C8A: variants seen among roughly 807,000 people sequenced by gnomAD.
C8A encodes complement component C8 alpha chain.
In C8A, 67 loss-of-function variants were observed where a neutral mutation model predicts 65.3. The ratio of observed to expected loss-of-function variants is 1.03; its 90% CI spans 0.84 to 1.26. The LOEUF is 1.26. C8A is among the 50% of genes most tolerant of loss of function. The pLI is 0.00. For missense variants in C8A, 781 were observed against 723.9 expected (o/e 1.08, Z -0.90); for synonymous variants, 290 against 259.4 (o/e 1.12, Z -1.13).
intron 4 of C8A, among the ~76,000 whole-genome samples, chr1:56,877,641 C>A (rs1288410372): frequency 6.6e-6 from 1 of 152,130 alleles, no homozygotes; most frequent in South Asian, 2.1e-4. Context: ...ATCTCCTCAG[C>A]CCCTGTGTCA....
intron 1 of C8A, among the ~76,000 whole-genome samples, chr1:56,864,457 A>C (rs1008277511): frequency 3.9e-5 from 6 of 152,154 alleles, no homozygotes; most frequent in African/African-American, 1.4e-4. Context: ...GTTCAAGAAA[A>C]AGTGCAGTGG....
chr1:56,889,972 G>A (rs563024351), intron 7 of C8A, among the ~76,000 whole-genome samples: 20 of 152,086 alleles, frequency 1.3e-4, no homozygotes, highest in African/African-American at 4.8e-4. Flanking sequence ...TACGGTTTGG[G>A]GCTTAAATTT....
intron 1 of C8A, among the ~76,000 whole-genome samples, chr1:56,865,454 G>T (rs374544356): frequency 6.4e-4 from 97 of 152,254 alleles, no homozygotes; most frequent in African/African-American, 2.1e-3. Context: ...TTTAATGAGG[G>T]CACTAATTCC....
At chr1:56,859,274 T>G (rs1220895364) in intron 1 of C8A, among the ~76,000 whole-genome samples, 1 of 152,254 alleles carries the variant, frequency 6.6e-6, no homozygotes, top group Non-Finnish European at 1.5e-5. Context: ...ATGAAATAAC[T>G]TAAGATTATA....
At chr1:56,901,526 G>T (rs148833612) in intron 7 of C8A, among the ~76,000 whole-genome samples, 1 of 152,032 alleles carries the variant, frequency 6.6e-6, no homozygotes, top group Non-Finnish European at 1.5e-5. Context: ...TATCCTTTGG[G>T]CTCCTAGCCT....
chr1:56,906,327 T>C lies in C8A; in HGVS notation c.1097-340T>C, dbSNP rs1411010. Among the ~76,000 whole-genome samples, 681 of 152,220 alleles carry C rather than the reference T, an allele frequency of 4.5e-3. 9 individuals carry two copies. Among genetic ancestry groups the C allele is most frequent in the African/African-American group, 0.016 (649 of 41,524 alleles). Reference sequence around the variant, plus strand: ...TGCAAAAGTTCAGGGTAATGGTGCCTATCATGGCCCGGGCACTGAGGTAGG... The same window carrying C: ...TGCAAAAGTTCAGGGTAATGGTGCCCATCATGGCCCGGGCACTGAGGTAGG... On this transcript the variant is annotated intron_variant, in intron 7 of 10. Transcript: ENST00000361249.
chr1:56,887,899 C>G (rs926116905), intron 7 of C8A, among the ~76,000 whole-genome samples: 3 of 152,088 alleles, frequency 2.0e-5, no homozygotes, highest in Non-Finnish European at 4.4e-5. Context: ...AACCAAACAC[C>G]ACAGGTTCTC....
intron 7 of C8A, among the ~76,000 whole-genome samples, chr1:56,896,157 G>T (rs1225589710): frequency 6.6e-6 from 1 of 152,008 alleles, no homozygotes; most frequent in Non-Finnish European, 1.5e-5. Flanking sequence ...GTATTAGTCA[G>T]GTTCTCCAGA....
chr1:56,854,835 A>C lies in C8A; in HGVS notation c.-67A>C, dbSNP rs1468172059. The C allele has an allele frequency of 2.9e-6, 4 of 1,373,470 alleles. No individual in the cohort carries two copies. Among genetic ancestry groups the C allele is most frequent in the Non-Finnish European group, 4.1e-6 (4 of 973,750 alleles). The allele number at this position is 1,373,470 out of a possible 1,614,324, so 85.1% of individuals were successfully genotyped here. A position where few individuals can be genotyped will look rare whatever the true frequency, so the allele number is the denominator to read the frequency against. On this transcript the variant is annotated 5_prime_UTR_variant, in exon 1 of 11. Transcript: ENST00000361249. ...AGGTCCCAGCCTGTAGACATCTTTT[A>C]CTCCAATTTCCTGAATAGATAGCTT...
At chr1:56,885,329 A>AATAC (rs1557705509) in intron 6 of C8A, among the ~76,000 whole-genome samples, 6 of 124,312 alleles carry the variant, frequency 4.8e-5, no homozygotes, top group African/African-American at 2.3e-4. Flanking sequence ...TATTTATTTA[A>AATAC]ATATATATTT....
intron 1 of C8A, among the ~76,000 whole-genome samples, chr1:56,857,820 C>T (rs1220989042): frequency 6.6e-6 from 1 of 151,878 alleles, no homozygotes; most frequent in African/African-American, 2.4e-5. Flanking sequence ...ATGATTCATT[C>T]ATATATGTTT....
chr1:56,918,110 T>C lies in C8A; in HGVS notation c.*394T>C, dbSNP rs1169672201. 1 of 185,530 alleles carries C rather than the reference T, an allele frequency of 5.4e-6. No individual in the cohort carries two copies. Among genetic ancestry groups the C allele is most frequent in the Non-Finnish European group, 1.1e-5 (1 of 88,662 alleles). 11.5% of individuals were successfully genotyped at this position (185,530 alleles called of 1,614,324 possible). A position where few individuals can be genotyped will look rare whatever the true frequency, so the allele number is the denominator to read the frequency against. On this transcript the variant is annotated 3_prime_UTR_variant, in exon 11 of 11. Coordinates refer to ENST00000361249, the MANE Select transcript of C8A (RefSeq NM_000562.3). Reference sequence around the variant, plus strand: ...ATAAAACAAAGTAGGATGAAAATTCTCTTAGTTCTTTGATAACAATTTGTT... The same window carrying C: ...ATAAAACAAAGTAGGATGAAAATTCCCTTAGTTCTTTGATAACAATTTGTT...
At chr1:56,913,988 C>A (rs142371534) in intron 10 of C8A, among the ~76,000 whole-genome samples, 1 of 152,158 alleles carries the variant, frequency 6.6e-6, no homozygotes, top group Non-Finnish European at 1.5e-5. Context: ...TCTTCTCTGG[C>A]GTACCAAGAT....
At chr1:56,877,607 G>A (rs1248423888) in intron 4 of C8A, among the ~76,000 whole-genome samples, 2 of 152,116 alleles carry the variant, frequency 1.3e-5, no homozygotes, top group South Asian at 2.1e-4. Flanking sequence ...TGAGGGCAGA[G>A]GTTGCTTCTG....
At position 56,918,072 on chromosome 1, in the gene C8A, C is replaced by A. The variant is rs901702325; in HGVS notation, c.*356C>A. The stretch of plus-strand genomic sequence containing the variant: ...AGACAAAACAAGCAGACACCTGAAA[C>A]AATCAACGCCCAATAAAACAAAGTA... On this transcript the variant is annotated 3_prime_UTR_variant, in exon 11 of 11. Coordinates refer to ENST00000361249, the MANE Select transcript of C8A (RefSeq NM_000562.3). The A allele has an allele frequency of 4.6e-6, 1 of 217,204 alleles. No individual in the cohort carries two copies. Among genetic ancestry groups the A allele is most frequent in the Non-Finnish European group, 9.2e-6 (1 of 108,430 alleles). The allele number at this position is 217,204 out of a possible 1,614,324, so 13.5% of individuals were successfully genotyped here. A position where few individuals can be genotyped will look rare whatever the true frequency, so the allele number is the denominator to read the frequency against.
At chr1:56,864,766 A>C (rs903224698) in intron 1 of C8A, among the ~76,000 whole-genome samples, 1 of 152,188 alleles carries the variant, frequency 6.6e-6, no homozygotes, top group African/African-American at 2.4e-5. Flanking sequence ...TGTGCCTGCT[A>C]GCACCATGTT....
intron 6 of C8A, among the ~76,000 whole-genome samples, chr1:56,884,794 C>G (rs1440847172): frequency 6.6e-6 from 1 of 152,076 alleles, no homozygotes; most frequent in Non-Finnish European, 1.5e-5. Context: ...TTCTTTATTA[C>G]TTAGTTCAAG....
At chr1:56,867,555 A>T (rs1332822248) in intron 1 of C8A, 54 bp from the exon 2 acceptor site, 2 of 1,298,164 alleles carry the variant, frequency 1.5e-6, no homozygotes, top group Admixed American at 1.7e-5. Flanking sequence ...CAGCTTTCTC[A>T]TTTGCTTAAA....
intron 7 of C8A, among the ~76,000 whole-genome samples, chr1:56,904,975 C>T (rs748302430): frequency 6.6e-6 from 1 of 152,246 alleles, no homozygotes; most frequent in Non-Finnish European, 1.5e-5. Context: ...TTCAGCAGCA[C>T]TCCACCATCC....
Sources: gnomAD v4.1 joint callset for allele counts (sites outside exome capture counted in the v4.1 genomes callset) on GRCh38, gnomAD v4.1.1 for gene constraint, MANE v1.5 for transcripts, NCBI Gene and HGNC (gene_info 2026-07-23, HGNC 2026-07-21) for gene names.